The following OOSP4B variants were observed in gnomAD, a reference collection of about 807,000 sequenced individuals.
OOSP4B encodes oocyte-secreted protein 4B.
chr11:60,025,515 A>G (rs534349571), intron 3 of OOSP4B, among the ~76,000 whole-genome samples: 2 of 152,320 alleles, frequency 1.3e-5, no homozygotes, highest in East Asian at 3.9e-4. Context: ...ATAACTTTGT[A>G]GAAATAGAAT....
In OOSP4B at chr11:60,024,891, ACT is replaced by A; in HGVS notation, c.205-13_205-12del. On this transcript the variant is annotated splice_polypyrimidine_tract_variant and intron_variant, in intron 2 of 4. Coordinates refer to ENST00000642343, the Ensembl canonical transcript of OOSP4B. The stretch of plus-strand genomic sequence containing the variant: ...GAATTTAATGCCTTCTAGTATTAAA[ACT>A]CTCAATTGTTTCAGATGTTCCAAAC... The A allele has an allele frequency of 2.5e-6, 1 of 398,222 alleles. No individual in the cohort carries two copies. The highest frequency in any genetic ancestry group is 3.6e-5 in the East Asian group (1 of 27,990). The allele number at this position is 398,222 out of a possible 1,614,324, so 24.7% of individuals were successfully genotyped here.
At chr11:60,023,496 A>T (rs1359381795) in intron 1 of OOSP4B, among the ~76,000 whole-genome samples, 2 of 152,078 alleles carry the variant, frequency 1.3e-5, no homozygotes, top group African/African-American at 2.4e-5. Flanking sequence ...GTGCAGTGGC[A>T]TGGTCTCGAC....
At chr11:60,025,080 C>G (rs1388055654) in intron 3 of OOSP4B, 75 bp downstream of exon 3, 1 of 396,558 alleles carries the variant, frequency 2.5e-6, no homozygotes, top group Non-Finnish European at 4.4e-6. Flanking sequence ...AAGAATGCAG[C>G]TATAAAAATG....
At chr11:60,029,920 T>C in exon 4 of OOSP4B, 1 of 398,342 alleles carries the variant, frequency 2.5e-6, no homozygotes, top group Middle Eastern at 6.3e-4. Context: ...ATTTTAACAG[T>C]GTTAATAAGG....
chr11:60,017,906 A>T (rs910849133), intron 1 of OOSP4B, among the ~76,000 whole-genome samples: 3 of 152,174 alleles, frequency 2.0e-5, no homozygotes, highest in Non-Finnish European at 4.4e-5. Context: ...AATTTGGATG[A>T]GTTCTAATTG....
chr11:60,024,100 A>T (rs17154424), intron 2 of OOSP4B, 39 bp downstream of exon 2: 83,767 of 395,616 alleles, frequency 0.21, 9,720 homozygotes, highest in Admixed American at 0.38. Context: ...CATATACTGA[A>T]TTTTTTTTTC....
chr11:60,027,662 A>AAAAAAAAAAAAAAAAAAAAAAAAAAAAC (rs1854757856), intron 3 of OOSP4B, among the ~76,000 whole-genome samples: 1 of 140,168 alleles, frequency 7.1e-6, no homozygotes, highest in Admixed American at 7.0e-5. Flanking sequence ...TATTAAAAAA[A>AAAAAAAAAAAAAAAAAAAAAAAAAAAAC]AAAAAAAAAA....
exon 1 of OOSP4B, chr11:60,017,324 A>G (rs749790397): frequency 1.5e-5 from 6 of 398,564 alleles, no homozygotes; most frequent in East Asian, 3.6e-5. Context: ...AAGGTTTATA[A>G]GCACTCAAGG....
At chr11:60,028,403 T>C (rs1444634161) in intron 3 of OOSP4B, among the ~76,000 whole-genome samples, 3 of 152,112 alleles carry the variant, frequency 2.0e-5, no homozygotes, top group Non-Finnish European at 4.4e-5. Flanking sequence ...TGACCTCAAG[T>C]GATCCACCTG....
intron 3 of OOSP4B, among the ~76,000 whole-genome samples, chr11:60,027,901 C>G (rs1033287109): frequency 6.6e-6 from 1 of 151,352 alleles, no homozygotes; most frequent in Non-Finnish European, 1.5e-5. Flanking sequence ...GATAGCGCCA[C>G]TGCACTCCAG....
intron 2 of OOSP4B, 58 bp from the exon 3 acceptor site, chr11:60,024,850 C>A: frequency 7.5e-6 from 3 of 397,496 alleles, no homozygotes; most frequent in South Asian, 1.3e-4. Flanking sequence ...CTATTAAGAT[C>A]ATTAAGCCAC....
At chr11:60,020,298 T>C (rs925065074) in intron 1 of OOSP4B, among the ~76,000 whole-genome samples, 2 of 152,118 alleles carry the variant, frequency 1.3e-5, no homozygotes, top group African/African-American at 4.8e-5. Flanking sequence ...CTGGGCACCC[T>C]GGAGCAGGGG....
At chr11:60,020,346 G>A (rs1469637570) in intron 1 of OOSP4B, among the ~76,000 whole-genome samples, 1 of 152,160 alleles carries the variant, frequency 6.6e-6, no homozygotes, top group East Asian at 1.9e-4. Context: ...CGCTGCAGGA[G>A]CCCACGGTGG....
At chr11:60,020,976 T>C (rs944509668) in intron 1 of OOSP4B, among the ~76,000 whole-genome samples, 9 of 152,256 alleles carry the variant, frequency 5.9e-5, no homozygotes, top group African/African-American at 2.2e-4. Flanking sequence ...TTTTTGTAAC[T>C]GTGGTCTAGC....
intron 4 of OOSP4B, 102 bp from the exon 5 acceptor site, chr11:60,030,700 A>C: frequency 2.5e-6 from 1 of 396,878 alleles, no homozygotes; most frequent in Non-Finnish European, 4.4e-6. Context: ...TTTTTTCCAC[A>C]TTACTTCTAA....
rs147981842 is a variant in OOSP4B at position 60,024,923 on chromosome 11, G to C, written c.220G>C (p.Asp74His). 3.1e-3 allele frequency: 1,217 copies of C among 398,292 alleles called. 7 individuals carry two copies. The highest frequency in any genetic ancestry group is 6.6e-3 in the South Asian group (52 of 7,852). The allele number at this position is 398,292 out of a possible 1,614,324, so 24.7% of individuals were successfully genotyped here. A position where few individuals can be genotyped will look rare whatever the true frequency, so the allele number is the denominator to read the frequency against. Residue 74 changes from aspartate (D) to histidine (H), a missense_variant, in exon 3 of 5, where the codon GAT becomes CAT. Transcript: ENST00000642343. ...ATTGTTTCAGATGTTCCAAACAAAT[G>C]ATGACGCCATATTATCAGAGATCAG...
At chr11:60,028,900 AT>A (rs1202264651) in intron 3 of OOSP4B, among the ~76,000 whole-genome samples, 5 of 152,052 alleles carry the variant, frequency 3.3e-5, no homozygotes, top group African/African-American at 1.2e-4. Context: ...TGATCCTTGG[AT>A]TTCTCACTTG....
chr11:60,030,630 GT>G (rs1374711755), intron 4 of OOSP4B, among the ~76,000 whole-genome samples, 171 bp from the exon 5 acceptor site: 1 of 152,094 alleles, frequency 6.6e-6, no homozygotes, highest in African/African-American at 2.4e-5. Context: ...ATATCTAATG[GT>G]TATATTTGAT....
intron 1 of OOSP4B, among the ~76,000 whole-genome samples, chr11:60,019,789 C>G (rs538383595): frequency 4.6e-5 from 7 of 152,322 alleles, no homozygotes; most frequent in African/African-American, 1.2e-4. Context: ...AGACCCCCAA[C>G]GGGTTGCCAG....
Sources: gnomAD v4.1 joint callset for allele counts (sites outside exome capture counted in the v4.1 genomes callset) on GRCh38, gnomAD v4.1.1 for gene constraint, MANE v1.5 for transcripts, NCBI Gene and HGNC (gene_info 2026-07-23, HGNC 2026-07-21) for gene names.